Variants in KCNH1 observed in about 807,000 individuals in gnomAD.
The protein encoded by KCNH1 is potassium voltage-gated channel subfamily H member 1.
KCNH1 carries 27 observed loss-of-function variants against 69.2 expected under a neutral mutation model. The ratio of observed to expected loss-of-function variants is 0.39; its 90% confidence interval spans 0.29 to 0.54. The LOEUF is 0.54. Among genes scored for constraint, KCNH1 ranks in the 20% least tolerant of loss-of-function variants. KCNH1 has a pLI of 0.68. For missense variants in KCNH1, 798 were observed against 1,261.6 expected (o/e 0.63, Z 5.57); for synonymous variants, 456 against 487.7 (o/e 0.93, Z 0.86).
chr1:210,726,891 A>G (rs936349064), intron 10 of KCNH1, among the ~76,000 whole-genome samples: 27 of 152,088 alleles, frequency 1.8e-4, no homozygotes, highest in Admixed American at 1.3e-4. Flanking sequence ...TCAACCCTCA[A>G]TAGAGAGGGG....
In KCNH1 at chr1:211,057,070, T is replaced by C. The variant is rs553315254; in HGVS notation, c.558+25710A>G. Among the ~76,000 whole-genome samples, 8 of 152,266 alleles carry C rather than the reference T, an allele frequency of 5.3e-5. No homozygotes were observed. In the East Asian group the frequency reaches 1.2e-3, roughly 22 times the overall value. ...GACCAATCCCAGAGAGACAGAGATATGTGACCTTTCAAAGAAAGAATTCAA... is the reference window on the plus strand; with the variant it reads ...GACCAATCCCAGAGAGACAGAGATACGTGACCTTTCAAAGAAAGAATTCAA... On this transcript the variant is annotated intron_variant, in intron 5 of 10. Transcript: ENST00000271751.
At chr1:211,083,020 G>C (rs1011563535) in intron 4 of KCNH1, 122 bp from the exon 5 acceptor site, 23 of 749,438 alleles carry the variant, frequency 3.1e-5, no homozygotes, top group Non-Finnish European at 6.6e-6. Flanking sequence ...GCTCCCATGA[G>C]TCACTCTGCA....
At chr1:211,003,259 A>G (rs541490814) in intron 6 of KCNH1, among the ~76,000 whole-genome samples, 2 of 152,324 alleles carry the variant, frequency 1.3e-5, no homozygotes, top group East Asian at 1.9e-4. Context: ...CAGATCACCA[A>G]TGAGGAGAAC....
chr1:210,985,964 C>A (rs1688824393), intron 6 of KCNH1, among the ~76,000 whole-genome samples: 1 of 152,122 alleles, frequency 6.6e-6, no homozygotes, highest in South Asian at 2.1e-4. Context: ...AATCTGGGTG[C>A]TCCTGTATTG....
intron 10 of KCNH1, among the ~76,000 whole-genome samples, chr1:210,742,055 T>C (rs988057434): frequency 1.3e-5 from 2 of 152,236 alleles, no homozygotes; most frequent in Non-Finnish European, 2.9e-5. Flanking sequence ...GGAAGTCACC[T>C]GCTGGAGCTG....
At chr1:210,926,264 AACACACAC>A (rs141650911) in intron 6 of KCNH1, among the ~76,000 whole-genome samples, 5 of 148,836 alleles carry the variant, frequency 3.4e-5, no homozygotes, top group African/African-American at 9.9e-5. Context: ...ACTCCATCTA[AACACACAC>A]ACACACACAC....
rs149964382 is a variant in KCNH1 at position 211,005,833 on chromosome 1, A to G, written c.1032+12950T>C. On this transcript the variant is annotated intron_variant, in intron 6 of 10. Coordinates refer to ENST00000271751, the MANE Select transcript of KCNH1 (RefSeq NM_172362.3). ...CAGTAGGGAAAAAAATATTTACAGC[A>G]CATATAACCCATAAAGGGTTCATAT... Among the ~76,000 whole-genome samples, 288 of 152,254 alleles carry G rather than the reference A, an allele frequency of 1.9e-3. 1 individual carries two copies. The highest frequency in any genetic ancestry group is 6.6e-3 in the African/African-American group (273 of 41,586).
At chr1:210,956,978 C>T (rs1416319154) in intron 6 of KCNH1, among the ~76,000 whole-genome samples, 1 of 152,048 alleles carries the variant, frequency 6.6e-6, no homozygotes, top group Non-Finnish European at 1.5e-5. Context: ...TTTGGTCTTG[C>T]TTCTGTAGTT....
chr1:210,929,126 G>A (rs1374749877), intron 6 of KCNH1, among the ~76,000 whole-genome samples: 1 of 152,118 alleles, frequency 6.6e-6, no homozygotes, highest in Non-Finnish European at 1.5e-5. Context: ...TCAATCTACT[G>A]ACACCATTCC....
At chr1:210,719,515 G>T (rs1053521122) in intron 10 of KCNH1, among the ~76,000 whole-genome samples, 1 of 152,126 alleles carries the variant, frequency 6.6e-6, no homozygotes, top group East Asian at 1.9e-4. Context: ...TGGACACAGG[G>T]AGGGTAGCAT....
At chr1:211,070,895 T>C (rs1690630687) in intron 5 of KCNH1, among the ~76,000 whole-genome samples, 1 of 151,612 alleles carries the variant, frequency 6.6e-6, no homozygotes, top group African/African-American at 2.4e-5. Flanking sequence ...CAGTTGGCCC[T>C]TGAACAATGC....
At chr1:211,009,345 G>A (rs1689351222) in intron 6 of KCNH1, among the ~76,000 whole-genome samples, 1 of 152,188 alleles carries the variant, frequency 6.6e-6, no homozygotes, top group Admixed American at 6.5e-5. Context: ...GAAACAACAA[G>A]TACAGAGAAC....
chr1:210,692,936 G>A (rs1681556219), intron 10 of KCNH1, among the ~76,000 whole-genome samples: 1 of 152,148 alleles, frequency 6.6e-6, no homozygotes, highest in Non-Finnish European at 1.5e-5. Flanking sequence ...TCAAACTAGA[G>A]CACAAGGTCT....
At chr1:211,086,979 C>A (rs902792454) in intron 4 of KCNH1, among the ~76,000 whole-genome samples, 3 of 152,068 alleles carry the variant, frequency 2.0e-5, no homozygotes, top group Non-Finnish European at 4.4e-5. Flanking sequence ...GTATAAAGAA[C>A]CAAAAATCTA....
intron 7 of KCNH1, among the ~76,000 whole-genome samples, chr1:210,898,393 T>C (rs1298473948): frequency 1.3e-5 from 2 of 152,216 alleles, no homozygotes; most frequent in African/African-American, 4.8e-5. Flanking sequence ...TTAACAGGCA[T>C]GGTTTTGCCC....
intron 7 of KCNH1, among the ~76,000 whole-genome samples, chr1:210,823,009 A>G (rs1198555009): frequency 6.6e-6 from 1 of 152,118 alleles, no homozygotes; most frequent in Non-Finnish European, 1.5e-5. Context: ...CTCTCAATAC[A>G]TTATTGATGA....
At chr1:211,083,056 C>T (rs926456214) in intron 4 of KCNH1, among the ~76,000 whole-genome samples, 158 bp from the exon 5 acceptor site, 8 of 152,222 alleles carry the variant, frequency 5.3e-5, no homozygotes, top group East Asian at 1.9e-4. Context: ...CCCACTGCTC[C>T]GTAAAGCACC....
At chr1:210,993,431 C>T (rs1558558314) in intron 6 of KCNH1, among the ~76,000 whole-genome samples, 2 of 152,138 alleles carry the variant, frequency 1.3e-5, no homozygotes, top group Non-Finnish European at 2.9e-5. Context: ...AAAAAGGTAA[C>T]AGTACACAAA....
chr1:211,124,879 T>C (rs944869031), intron 1 of KCNH1, among the ~76,000 whole-genome samples: 1 of 152,026 alleles, frequency 6.6e-6, no homozygotes, highest in African/African-American at 2.4e-5. Flanking sequence ...GTATAAGCAG[T>C]TTTCAAGCTT....
Sources: allele counts gnomAD v4.1 joint callset (sites outside exome capture counted in the v4.1 genomes callset), GRCh38; gene constraint gnomAD v4.1.1; transcripts MANE v1.5; gene names NCBI Gene and HGNC (gene_info 2026-07-23, HGNC 2026-07-21).